CA4: variants seen among roughly 807,000 people sequenced by gnomAD.
The protein encoded by CA4 is CA-IV.
Under a neutral mutation model 34.5 loss-of-function variants are expected in CA4, and 24 were observed. The ratio of observed to expected loss-of-function variants is 0.70; its 90% CI spans 0.50 to 0.98. The LOEUF (loss-of-function observed/expected upper bound fraction) is 0.98. Ranked by LOEUF, CA4 falls within the 50% of genes least tolerant of loss-of-function variation. The pLI is 0.00. For missense variants in CA4, 394 were observed against 396.7 expected (o/e 0.99, Z 0.06); for synonymous variants, 178 against 170.6 (o/e 1.04, Z -0.34).
chr17:60,158,206 G>A (rs1306395687), intron 6 of CA4, 77 bp from the exon 7 acceptor site: 14 of 1,606,076 alleles, frequency 8.7e-6, no homozygotes, highest in Non-Finnish European at 1.2e-5. Flanking sequence ...TGTGCGGGGA[G>A]CTGGGCTCTC....
rs751003463 is a variant in CA4 at position 60,156,675 on chromosome 17, T to TA, written c.230dup (p.Lys78GlufsTer9). Reference sequence around the variant, plus strand: ...GACGCTTCTTCTTCTCTGGCTACGATAAGAAGCAAACGTGGACTGTCCAAA... The same window carrying TA: ...GACGCTTCTTCTTCTCTGGCTACGATAAAGAAGCAAACGTGGACTGTCCAAA... On this transcript the variant is annotated frameshift_variant, in exon 3 of 8. Coordinates refer to ENST00000300900, the MANE Select transcript of CA4 (RefSeq NM_000717.5). LOFTEE classifies it high-confidence loss of function. 1 of 1,614,066 alleles carries TA rather than the reference T, an allele frequency of 6.2e-7. No individual in the cohort carries two copies. The highest frequency in any genetic ancestry group is 2.2e-5 in the East Asian group (1 of 44,862).
intron 5 of CA4, among the ~76,000 whole-genome samples, chr17:60,167,202 T>C (rs1380805687): frequency 6.6e-6 from 1 of 152,200 alleles, no homozygotes; most frequent in South Asian, 2.1e-4. Flanking sequence ...TCCAAGTGTT[T>C]CTTGTTCTGT....
downstream of CA4, among the ~76,000 whole-genome samples, chr17:60,174,231 G>T (rs2083937791): frequency 6.6e-6 from 1 of 152,010 alleles, no homozygotes; most frequent in Non-Finnish European, 1.5e-5. Flanking sequence ...GACATAATGG[G>T]CTCAAAGTCT....
chr17:60,166,346 C>T (rs1397776975), intron 5 of CA4, among the ~76,000 whole-genome samples: 2 of 152,164 alleles, frequency 1.3e-5, no homozygotes, highest in Non-Finnish European at 2.9e-5. Flanking sequence ...TGAGCTCAGG[C>T]AATCCTCTCT....
intron 3 of CA4, 135 bp from the exon 4 acceptor site, chr17:60,157,292 C>A (rs2083705277): frequency 1.0e-6 from 1 of 1,003,338 alleles, no homozygotes; most frequent in Non-Finnish European, 1.5e-6. Context: ...CCCGCGCCAC[C>A]CCTGCAGGCC....
At chr17:60,154,981 G>A (rs868625347) in intron 1 of CA4, among the ~76,000 whole-genome samples, 7 of 152,108 alleles carry the variant, frequency 4.6e-5, no homozygotes, top group South Asian at 2.1e-4. Context: ...AGGTAAGCGC[G>A]GAGGAGGCTG....
intron 2 of CA4, among the ~76,000 whole-genome samples, 192 bp downstream of exon 2, chr17:60,155,559 A>G (rs1315413748): frequency 6.8e-6 from 1 of 147,152 alleles, no homozygotes; most frequent in East Asian, 1.9e-4. Context: ...ACACACACAG[A>G]TATACAAACA....
chr17:60,153,517 T>A (rs1277483969), intron 1 of CA4, among the ~76,000 whole-genome samples: 2 of 152,228 alleles, frequency 1.3e-5, no homozygotes, highest in Non-Finnish European at 2.9e-5. Context: ...CTTTCACCAC[T>A]GTACTTTCTT....
At chr17:60,160,853 A>G (rs1354716805), downstream of CA4, among the ~76,000 whole-genome samples, 1 of 144,824 alleles carries the variant, frequency 6.9e-6, no homozygotes, top group Non-Finnish European at 1.5e-5. Context: ...GGAGACTGCA[A>G]ATGTTGAGGT....
the CA4 span, among the ~76,000 whole-genome samples, chr17:60,176,292 C>A: frequency 6.6e-6 from 1 of 152,158 alleles, no homozygotes; most frequent in Admixed American, 6.5e-5. Context: ...TACCAAGCAA[C>A]TGTGCCAGGC....
chr17:60,156,965 G>T, intron 3 of CA4: 1 of 580,598 alleles, frequency 1.7e-6, no homozygotes, highest in African/African-American at 1.9e-5. Context: ...GCAAAGGCGC[G>T]GAGGCATGGA....
chr17:60,161,465 G>A (rs934284374), downstream of CA4, among the ~76,000 whole-genome samples: 3 of 152,064 alleles, frequency 2.0e-5, no homozygotes, highest in East Asian at 3.9e-4. Flanking sequence ...CTGAGAGTCC[G>A]GAGGTAGAGA....
At chr17:60,153,004 G>A (rs1252118298) in intron 1 of CA4, among the ~76,000 whole-genome samples, 1 of 152,152 alleles carries the variant, frequency 6.6e-6, no homozygotes, top group Non-Finnish European at 1.5e-5. Flanking sequence ...CAGATACTCC[G>A]ATATCTGGAG....
chr17:60,153,549 C>T (rs1485383880), intron 1 of CA4, among the ~76,000 whole-genome samples: 3 of 152,228 alleles, frequency 2.0e-5, no homozygotes, highest in African/African-American at 7.2e-5. Flanking sequence ...TTTTCCTTTG[C>T]ACTGCAGACT....
At chr17:60,167,906 C>T (rs1182184468) in intron 5 of CA4, among the ~76,000 whole-genome samples, 1 of 152,170 alleles carries the variant, frequency 6.6e-6, no homozygotes, top group Non-Finnish European at 1.5e-5. Flanking sequence ...TGTGTATCCT[C>T]GTTTAGCCCC....
chr17:60,170,338 G>A (rs1322099817), intron 5 of CA4, among the ~76,000 whole-genome samples: 1 of 152,162 alleles, frequency 6.6e-6, no homozygotes, highest in Non-Finnish European at 1.5e-5. Flanking sequence ...TGTGGCTGGT[G>A]GCCGCCTTTA....
chr17:60,163,146 G>A (rs114257581), downstream of CA4, among the ~76,000 whole-genome samples: 1,049 of 152,212 alleles, frequency 6.9e-3, 15 homozygotes, highest in African/African-American at 0.024. Context: ...ATGTAGGGGT[G>A]GGGGAGGAAG....
At chr17:60,155,123 C>T (rs1224971359) in intron 1 of CA4, among the ~76,000 whole-genome samples, 191 bp from the exon 2 acceptor site, 1 of 152,194 alleles carries the variant, frequency 6.6e-6, no homozygotes, top group Non-Finnish European at 1.5e-5. Context: ...GCCAGCTGAC[C>T]TGTTGATCAG....
intron 5 of CA4, 77 bp downstream of exon 5, chr17:60,157,865 C>T (rs2083719613): frequency 2.0e-6 from 3 of 1,524,050 alleles, no homozygotes; most frequent in Admixed American, 3.6e-5. Context: ...CCTGGGACTC[C>T]AGCGAGGCAG....
Sources: allele counts gnomAD v4.1 joint callset (sites outside exome capture counted in the v4.1 genomes callset), GRCh38; gene constraint gnomAD v4.1.1; transcripts MANE v1.5; gene names NCBI Gene and HGNC (gene_info 2026-07-23, HGNC 2026-07-21).